The following GRIP1 variants were observed in gnomAD, a reference collection of about 807,000 sequenced individuals.
GRIP1 encodes glutamate receptor interacting protein 1.
GRIP1 carries 45 observed loss-of-function variants against 129.9 expected under a neutral mutation model. The ratio of observed to expected loss-of-function variants is 0.35; its 90% CI spans 0.27 to 0.44. The LOEUF is 0.44. GRIP1 is among the 20% of genes least tolerant of loss of function. The pLI is 1.00. For missense variants in GRIP1, 1,196 were observed against 1,396.8 expected, an observed-to-expected ratio of 0.86 and a Z score of 2.29; for synonymous variants, 530 against 520.8, an observed-to-expected ratio of 1.02 and a Z score of -0.24.
intron 1 of GRIP1, among the ~76,000 whole-genome samples, chr12:66,704,674 G>A (rs1297489815): frequency 6.6e-6 from 1 of 152,070 alleles, no homozygotes; most frequent in Non-Finnish European, 1.5e-5. Context: ...TTCCCAGAGA[G>A]CTTAAGAACC....
At chr12:66,519,194 T>A (rs1209725775) in intron 5 of GRIP1, among the ~76,000 whole-genome samples, 1 of 152,124 alleles carries the variant, frequency 6.6e-6, no homozygotes, top group Non-Finnish European at 1.5e-5. Flanking sequence ...GCTTCTTTTG[T>A]GCTCACTTCT....
chr12:66,494,260 G>A (rs1236192358), intron 7 of GRIP1, among the ~76,000 whole-genome samples: 1 of 152,064 alleles, frequency 6.6e-6, no homozygotes, highest in African/African-American at 2.4e-5. Context: ...TAAATAATAA[G>A]ATTCTACTTT....
At chr12:66,709,261 T>C (rs561674814) in intron 1 of GRIP1, among the ~76,000 whole-genome samples, 13 of 152,096 alleles carry the variant, frequency 8.5e-5, no homozygotes, top group African/African-American at 3.1e-4. Context: ...TTGCTCAGTG[T>C]GTTTTTATCA....
intron 1 of GRIP1, among the ~76,000 whole-genome samples, chr12:66,735,111 T>C (rs1374622858): frequency 6.6e-6 from 1 of 152,172 alleles, no homozygotes; most frequent in African/African-American, 2.4e-5. Context: ...CAAATGCTTG[T>C]CCTCACAGCA....
intron 1 of GRIP1, among the ~76,000 whole-genome samples, chr12:66,878,203 C>A (rs2040414452): frequency 6.6e-6 from 1 of 151,970 alleles, no homozygotes; most frequent in African/African-American, 2.4e-5. Flanking sequence ...GATTCCTACA[C>A]TCCATGTTCC....
chr12:66,923,699 A>G (rs1038226686), intron 1 of GRIP1, among the ~76,000 whole-genome samples: 4 of 152,176 alleles, frequency 2.6e-5, no homozygotes, highest in Non-Finnish European at 4.4e-5. Context: ...CCTGGTTGAA[A>G]TCCCAGCTCT....
chr12:66,613,102 T>A (rs1454920339), intron 1 of GRIP1, among the ~76,000 whole-genome samples: 1 of 152,168 alleles, frequency 6.6e-6, no homozygotes, highest in Non-Finnish European at 1.5e-5. Context: ...ATAAAACTTA[T>A]CTTTAAAATA....
chr12:66,531,759 C>T (rs1461859704), intron 4 of GRIP1, among the ~76,000 whole-genome samples: 2 of 151,810 alleles, frequency 1.3e-5, no homozygotes, highest in Admixed American at 1.3e-4. Flanking sequence ...TTTCCATGGC[C>T]CAACAAGCCA....
intron 1 of GRIP1, among the ~76,000 whole-genome samples, chr12:66,607,261 C>T (rs2064580604): frequency 6.6e-6 from 1 of 152,300 alleles, no homozygotes; most frequent in East Asian, 1.9e-4. Flanking sequence ...ATGCAAGATT[C>T]TTTCCAGCAC....
chr12:66,643,094 G>A (rs2032072693), intron 1 of GRIP1, among the ~76,000 whole-genome samples: 1 of 152,202 alleles, frequency 6.6e-6, no homozygotes, highest in African/African-American at 2.4e-5. Context: ...GATTAAAGAA[G>A]TTCATAATAT....
At chr12:66,745,710 T>C (rs2036923344) in intron 1 of GRIP1, among the ~76,000 whole-genome samples, 1 of 152,084 alleles carries the variant, frequency 6.6e-6, no homozygotes, top group Non-Finnish European at 1.5e-5. Context: ...GATAGGGACA[T>C]TTCAAAATGT....
At chr12:66,730,203 T>G (rs1009732345) in intron 1 of GRIP1, among the ~76,000 whole-genome samples, 1 of 152,180 alleles carries the variant, frequency 6.6e-6, no homozygotes, top group African/African-American at 2.4e-5. Flanking sequence ...TATGCCATAC[T>G]AATGGTTTTT....
At chr12:66,657,169 G>A (rs1442386902) in intron 1 of GRIP1, among the ~76,000 whole-genome samples, 1 of 152,182 alleles carries the variant, frequency 6.6e-6, no homozygotes, top group Non-Finnish European at 1.5e-5. Context: ...TTTAAATGAT[G>A]TAAGACAGCT....
chr12:66,574,374 C>G (rs183771294), intron 2 of GRIP1, among the ~76,000 whole-genome samples: 312 of 152,398 alleles, frequency 2.0e-3, no homozygotes, highest in Non-Finnish European at 3.3e-3. Context: ...TCTCCTTCTA[C>G]TCCTCCCATC....
At chr12:66,828,608 T>C (rs1034486364) in intron 1 of GRIP1, among the ~76,000 whole-genome samples, 2 of 152,212 alleles carry the variant, frequency 1.3e-5, no homozygotes, top group African/African-American at 4.8e-5. Flanking sequence ...AAGTACGATT[T>C]ACCCTCATCA....
intron 1 of GRIP1, among the ~76,000 whole-genome samples, chr12:66,955,503 G>A (rs1309233259): frequency 1.7e-5 from 2 of 115,614 alleles, no homozygotes; most frequent in Non-Finnish European, 3.4e-5. Flanking sequence ...TTACTTTTTT[G>A]GTTTTTTTTT....
At chr12:67,010,106 A>G (rs1015811361) in intron 1 of GRIP1, among the ~76,000 whole-genome samples, 9 of 152,270 alleles carry the variant, frequency 5.9e-5, no homozygotes, top group Middle Eastern at 3.4e-3. Context: ...TCCAAACTCT[A>G]ATTTTCTATA....
intron 1 of GRIP1, among the ~76,000 whole-genome samples, chr12:66,862,559 A>C (rs1311796539): frequency 6.6e-6 from 1 of 152,106 alleles, no homozygotes; most frequent in African/African-American, 2.4e-5. Context: ...GGTGCTCTGA[A>C]AGCCCCTAGG....
chr12:66,973,985 T>G (rs1268864576), intron 1 of GRIP1, among the ~76,000 whole-genome samples: 1 of 145,360 alleles, frequency 6.9e-6, no homozygotes, highest in Non-Finnish European at 1.5e-5. Context: ...TGTAATGGCG[T>G]GATCTCGGCT....
Sources: allele counts gnomAD v4.1 joint callset (sites outside exome capture counted in the v4.1 genomes callset), GRCh38; gene constraint gnomAD v4.1.1; transcripts MANE v1.5; gene names NCBI Gene and HGNC (gene_info 2026-07-23, HGNC 2026-07-21).